Variants in MYO18B observed in about 807,000 individuals in gnomAD.
MYO18B encodes unconventional myosin-XVIIIb.
Under a neutral mutation model 273.0 loss-of-function variants are expected in MYO18B, and 204 were observed. The observed-to-expected ratio is 0.75, with a 90% CI of 0.67 to 0.84. The LOEUF (loss-of-function observed/expected upper bound fraction) is 0.84, where lower values mean the gene tolerates loss of function less well. Ranked by LOEUF, MYO18B falls within the 40% of genes least tolerant of loss-of-function variation. The pLI is 0.00. For missense variants in MYO18B, 3,212 were observed against 3,287.6 expected (o/e 0.98, Z 0.56); for synonymous variants, 1,330 against 1,305.7 (o/e 1.02, Z -0.40).
At chr22:25,975,696 AC>A (rs1410498556) in intron 39 of MYO18B, among the ~76,000 whole-genome samples, 2 of 152,134 alleles carry the variant, frequency 1.3e-5, no homozygotes, top group African/African-American at 2.4e-5. Flanking sequence ...CTCCAATATC[AC>A]CTGTACACAG....
chr22:26,032,671 A>G (rs1374762099), downstream of MYO18B, among the ~76,000 whole-genome samples: 2 of 151,866 alleles, frequency 1.3e-5, no homozygotes, highest in Non-Finnish European at 2.9e-5. Flanking sequence ...ACAGACATGC[A>G]CCACCAGGCC....
intron 1 of MYO18B, among the ~76,000 whole-genome samples, chr22:25,750,326 G>A (rs1272228856): frequency 1.3e-5 from 2 of 152,184 alleles, no homozygotes; most frequent in Non-Finnish European, 2.9e-5. Context: ...ATTCCCATTA[G>A]CTTAACCCAC....
At chr22:25,891,201 G>A in intron 26 of MYO18B, 103 bp from the exon 27 acceptor site, 1 of 869,880 alleles carries the variant, frequency 1.1e-6, no homozygotes, top group Non-Finnish European at 1.8e-6. Flanking sequence ...TCAGGGCTGT[G>A]CAGAGGGTGG....
intron 34 of MYO18B, 49 bp downstream of exon 34, chr22:25,921,458 G>C (rs1204861390): frequency 3.2e-6 from 5 of 1,562,396 alleles, no homozygotes; most frequent in Non-Finnish European, 4.3e-6. Flanking sequence ...AGGATGCTAC[G>C]ACCTGCAGAG....
intron 42 of MYO18B, 116 bp from the exon 43 acceptor site, chr22:26,026,329 A>C: frequency 8.5e-7 from 1 of 1,169,806 alleles, no homozygotes; most frequent in Non-Finnish European, 1.2e-6. Flanking sequence ...TGCGGTAGGG[A>C]TGGTATTTCC....
intron 42 of MYO18B, among the ~76,000 whole-genome samples, chr22:26,025,216 C>T (rs879700560): frequency 2.0e-5 from 3 of 152,184 alleles, no homozygotes; most frequent in Non-Finnish European, 4.4e-5. Context: ...CATTCCCTCC[C>T]GTGCCTTCCA....
chr22:25,857,752 C>A (rs563355797), intron 21 of MYO18B, among the ~76,000 whole-genome samples: 1 of 152,330 alleles, frequency 6.6e-6, no homozygotes, highest in Admixed American at 6.5e-5. Flanking sequence ...CTCCTGGGTT[C>A]AAGTGATTCT....
intron 39 of MYO18B, among the ~76,000 whole-genome samples, chr22:25,956,603 G>T (rs1487336459): frequency 6.6e-6 from 1 of 151,606 alleles, no homozygotes; most frequent in African/African-American, 2.4e-5. Context: ...TTCTGCACAG[G>T]TCACAGAGCA....
chr22:25,875,725 A>G (rs1222008930), intron 23 of MYO18B, among the ~76,000 whole-genome samples: 1 of 152,228 alleles, frequency 6.6e-6, no homozygotes, highest in African/African-American at 2.4e-5. Context: ...GAAGCATGAA[A>G]TTACTGTTTA....
chr22:25,906,130 C>T (rs564673196), intron 31 of MYO18B, among the ~76,000 whole-genome samples: 1 of 152,296 alleles, frequency 6.6e-6, no homozygotes, highest in Admixed American at 6.5e-5. Flanking sequence ...TCAGCTTCAC[C>T]CATAACCTCA....
chr22:26,012,219 C>T (rs1202621014), intron 42 of MYO18B, among the ~76,000 whole-genome samples: 7 of 152,132 alleles, frequency 4.6e-5, no homozygotes, highest in South Asian at 2.1e-4. Context: ...AGATAAGACT[C>T]GTTTGTAATT....
the MYO18B span, among the ~76,000 whole-genome samples, chr22:26,047,125 A>AT: frequency 0.11 from 14,468 of 134,802 alleles, 1,017 homozygotes; most frequent in South Asian, 0.23. Context: ...TAGTTGGCCC[A>AT]TTTTTTTTTT....
intron 39 of MYO18B, among the ~76,000 whole-genome samples, chr22:25,957,906 CT>C (rs2092872541): frequency 6.8e-6 from 1 of 147,368 alleles, no homozygotes. Flanking sequence ...TCTACAAACG[CT>C]TTTGCTTTTT....
chr22:25,779,081 G>T (rs1160546836), intron 8 of MYO18B, among the ~76,000 whole-genome samples: 1 of 151,934 alleles, frequency 6.6e-6, no homozygotes, highest in Non-Finnish European at 1.5e-5. Context: ...CCACAGATAA[G>T]CTATATATTC....
intron 42 of MYO18B, among the ~76,000 whole-genome samples, chr22:26,010,903 A>G (rs952229322): frequency 2.0e-5 from 3 of 152,134 alleles, no homozygotes; most frequent in East Asian, 3.9e-4. Flanking sequence ...GGGGACATCC[A>G]AAGAGAATTG....
intron 33 of MYO18B, among the ~76,000 whole-genome samples, chr22:25,913,761 T>A (rs567971053): frequency 1.3e-5 from 2 of 152,352 alleles, no homozygotes; most frequent in African/African-American, 4.8e-5. Flanking sequence ...AAGATGCGAA[T>A]CCATTTTTGG....
chr22:26,048,135 C>T, the MYO18B span, among the ~76,000 whole-genome samples: 4 of 152,142 alleles, frequency 2.6e-5, no homozygotes, highest in African/African-American at 4.8e-5. Context: ...CTGCATCACA[C>T]GTTGTACTGT....
chr22:25,880,243 A>T (rs1215705041), intron 25 of MYO18B, among the ~76,000 whole-genome samples: 2 of 152,210 alleles, frequency 1.3e-5, no homozygotes, highest in African/African-American at 2.4e-5. Flanking sequence ...TTAAAATTGT[A>T]AAGTAATGCA....
At chr22:25,757,775 A>G (rs1456732126) in intron 1 of MYO18B, among the ~76,000 whole-genome samples, 1 of 152,174 alleles carries the variant, frequency 6.6e-6, no homozygotes, top group South Asian at 2.1e-4. Flanking sequence ...GACCGCTTCT[A>G]CTAAGACCTT....
Sources: allele counts gnomAD v4.1 joint callset (sites outside exome capture counted in the v4.1 genomes callset), GRCh38; gene constraint gnomAD v4.1.1; transcripts MANE v1.5; gene names NCBI Gene and HGNC (gene_info 2026-07-23, HGNC 2026-07-21).